GSK3B: variants seen among roughly 807,000 people sequenced by gnomAD.
The protein encoded by GSK3B is glycogen synthase kinase 3 beta.
A neutral mutation model predicts 56.4 loss-of-function variants in GSK3B; 15 were observed. The ratio of observed to expected loss-of-function variants is 0.27; its 90% CI spans 0.18 to 0.41. The LOEUF is 0.41. Among genes scored for constraint, GSK3B ranks in the 10% least tolerant of loss-of-function variants. GSK3B has a pLI of 1.00. For synonymous variants in GSK3B, 181 were observed against 188.9 expected (o/e 0.96, Z 0.34); for missense variants, 300 against 513.4 (o/e 0.58, Z 4.02).
chr3:119,884,429 A>C (rs556826606), intron 7 of GSK3B, among the ~76,000 whole-genome samples: 1 of 152,298 alleles, frequency 6.6e-6, no homozygotes, highest in South Asian at 2.1e-4. Context: ...ATATTTATTA[A>C]GCACATAGCA....
intron 7 of GSK3B, among the ~76,000 whole-genome samples, chr3:119,899,571 T>C (rs2056605287): frequency 6.6e-6 from 1 of 152,154 alleles, no homozygotes; most frequent in Admixed American, 6.6e-5. Context: ...ACTGATCTTT[T>C]TGTCTAAATT....
At chr3:120,079,397 A>C (rs371894311) in intron 1 of GSK3B, among the ~76,000 whole-genome samples, 3 of 151,100 alleles carry the variant, frequency 2.0e-5, no homozygotes, top group Non-Finnish European at 4.4e-5. Flanking sequence ...GATACATATT[A>C]AACATTTTTT....
In GSK3B at chr3:120,050,393, G is replaced by A. The variant is rs576031684; in HGVS notation, c.88+42954C>T. ...TAATAAAACTTGATTTACAAAGACA[G>A]ACGGCTAGCCGTATTTGGCTTTATG... is the stretch of plus-strand genomic sequence containing the variant. On this transcript the variant is annotated intron_variant, in intron 1 of 10. Transcript: ENST00000264235. Among the ~76,000 whole-genome samples the A allele has an allele frequency of 1.4e-4, 22 of 152,348 alleles. 1 individual carries two copies. Among genetic ancestry groups the A allele is most frequent in the African/African-American group, 4.8e-4 (20 of 41,592 alleles).
At chr3:119,965,885 C>T (rs533464999) in intron 2 of GSK3B, among the ~76,000 whole-genome samples, 13 of 151,760 alleles carry the variant, frequency 8.6e-5, no homozygotes, top group African/African-American at 3.1e-4. Flanking sequence ...CTCAATAAAG[C>T]CCTAGAAATT....
intron 1 of GSK3B, among the ~76,000 whole-genome samples, chr3:120,030,341 TG>T (rs1484547292): frequency 2.0e-5 from 3 of 152,202 alleles, no homozygotes; most frequent in Admixed American, 1.3e-4. Flanking sequence ...TGAGAGCTGT[TG>T]GTTCTCAAAT....
At chr3:119,922,420 ATATAT>A (rs2056852552) in intron 4 of GSK3B, among the ~76,000 whole-genome samples, 3 of 147,974 alleles carry the variant, frequency 2.0e-5, no homozygotes, top group South Asian at 2.1e-4. Context: ...TATATAGTTT[ATATAT>A]TATATATACA....
chr3:120,053,192 C>T (rs1441347500), intron 1 of GSK3B, among the ~76,000 whole-genome samples: 1 of 152,082 alleles, frequency 6.6e-6, no homozygotes, highest in East Asian at 1.9e-4. Context: ...CAAAAATTAG[C>T]CGGGTGTGTT....
At chr3:119,933,022 C>A (rs2056961603) in intron 3 of GSK3B, among the ~76,000 whole-genome samples, 1 of 152,054 alleles carries the variant, frequency 6.6e-6, no homozygotes, top group Non-Finnish European at 1.5e-5. Flanking sequence ...TGCTTGAACC[C>A]CGGAGGTGGA....
intron 1 of GSK3B, among the ~76,000 whole-genome samples, chr3:120,020,403 T>C (rs1429153152): frequency 6.6e-6 from 1 of 152,232 alleles, no homozygotes. Context: ...TAACCCCATG[T>C]TAACCAAGTC....
At chr3:120,072,748 A>G (rs2058336911) in intron 1 of GSK3B, among the ~76,000 whole-genome samples, 1 of 152,216 alleles carries the variant, frequency 6.6e-6, no homozygotes, top group Non-Finnish European at 1.5e-5. Flanking sequence ...ACAACTAAGT[A>G]CAAAGGATTT....
At chr3:119,867,107 T>C (rs2056193425) in intron 8 of GSK3B, among the ~76,000 whole-genome samples, 1 of 152,192 alleles carries the variant, frequency 6.6e-6, no homozygotes, top group Non-Finnish European at 1.5e-5. Context: ...TATTAATGTG[T>C]TCCAGTTACA....
At chr3:119,826,953 C>A in intron 10 of GSK3B, 98 bp from the exon 11 acceptor site, 1 of 731,722 alleles carries the variant, frequency 1.4e-6, no homozygotes. Flanking sequence ...AACTGTATGG[C>A]CTTCCAAGCT....
At chr3:120,080,033 A>G (rs544954003) in intron 1 of GSK3B, among the ~76,000 whole-genome samples, 2 of 152,302 alleles carry the variant, frequency 1.3e-5, no homozygotes, top group South Asian at 4.1e-4. Flanking sequence ...GGTGGCACAC[A>G]CCTGCAATCC....
At chr3:119,976,144 C>G (rs2057406575) in intron 2 of GSK3B, among the ~76,000 whole-genome samples, 1 of 152,158 alleles carries the variant, frequency 6.6e-6, no homozygotes, top group South Asian at 2.1e-4. Flanking sequence ...ATAGGTACAG[C>G]TGCTTTAGAA....
chr3:119,977,061 G>A (rs1239845058), intron 2 of GSK3B, among the ~76,000 whole-genome samples: 1 of 151,992 alleles, frequency 6.6e-6, no homozygotes, highest in Non-Finnish European at 1.5e-5. Flanking sequence ...TTTCTCAGTG[G>A]AACAATCAAG....
chr3:119,873,262 C>G (rs1205675333), intron 8 of GSK3B, among the ~76,000 whole-genome samples: 3 of 152,080 alleles, frequency 2.0e-5, no homozygotes, highest in Non-Finnish European at 2.9e-5. Flanking sequence ...ATTTCTTTTA[C>G]ACACCTGTAT....
At chr3:120,026,838 G>A (rs564473203) in intron 1 of GSK3B, among the ~76,000 whole-genome samples, 3 of 151,994 alleles carry the variant, frequency 2.0e-5, no homozygotes, top group South Asian at 2.1e-4. Context: ...GATTACAGGC[G>A]TGAGCCACCG....
chr3:119,862,664 CTTG>C (rs1405593401), intron 9 of GSK3B, among the ~76,000 whole-genome samples: 4 of 119,162 alleles, frequency 3.4e-5, no homozygotes, highest in African/African-American at 6.6e-5. Flanking sequence ...TCAACTATTT[CTTG>C]TTTTTTTTTT....
intron 6 of GSK3B, among the ~76,000 whole-genome samples, chr3:119,909,878 T>C (rs2056718746): frequency 6.6e-6 from 1 of 152,194 alleles, no homozygotes; most frequent in Non-Finnish European, 1.5e-5. Flanking sequence ...AGGTCAATGA[T>C]GATTAAAGCT....
Sources: allele counts gnomAD v4.1 joint callset (sites outside exome capture counted in the v4.1 genomes callset), GRCh38; gene constraint gnomAD v4.1.1; transcripts MANE v1.5; gene names NCBI Gene and HGNC (gene_info 2026-07-23, HGNC 2026-07-21).